The following IGF2R variants were observed in gnomAD, a reference collection of about 807,000 sequenced individuals.
IGF2R encodes the protein insulin like growth factor 2 receptor, also known as cation-independent mannose-6-phosphate receptor.
In IGF2R, 91 loss-of-function variants were observed where a neutral mutation model predicts 270.6. The ratio of observed to expected loss-of-function variants is 0.34; its 90% CI spans 0.28 to 0.40. The LOEUF is 0.40. Ranked by LOEUF, IGF2R falls within the 10% of genes least tolerant of loss-of-function variation. The probability of loss-of-function intolerance (pLI) is 1.00; values close to 1 mark genes in which losing one functional copy is unlikely to be tolerated. For missense variants in IGF2R, 2,805 were observed against 3,188.3 expected (o/e 0.88, Z 2.90); for synonymous variants, 1,316 against 1,258.9 (o/e 1.05, Z -0.96).
chr6:160,012,745 T>TTATATATA (rs201706423), intron 4 of IGF2R, among the ~76,000 whole-genome samples: 1 of 105,310 alleles, frequency 9.5e-6, no homozygotes, highest in African/African-American at 3.4e-5. Context: ...CCCGGCTAAT[T>TTATATATA]TATATATATA....
intron 2 of IGF2R, 124 bp from the exon 3 acceptor site, chr6:160,008,886 A>T: frequency 1.0e-6 from 1 of 964,746 alleles, no homozygotes; most frequent in South Asian, 1.6e-5. Flanking sequence ...GGGAAAGGAC[A>T]GTTTTATAAA....
chr6:160,031,469 C>A (rs1041819337), intron 7 of IGF2R, among the ~76,000 whole-genome samples: 2 of 151,986 alleles, frequency 1.3e-5, no homozygotes, highest in African/African-American at 4.8e-5. Context: ...TGCCCATTAG[C>A]AGTCTCTTCC....
intron 10 of IGF2R, 132 bp downstream of exon 10, chr6:160,034,654 C>G (rs1583271783): frequency 1.8e-6 from 1 of 563,350 alleles, no homozygotes; most frequent in East Asian, 2.8e-5. Flanking sequence ...CTGGCCAGCT[C>G]TAGCCCCCAG....
At chr6:160,077,311 G>C (rs181896541) in intron 36 of IGF2R, among the ~76,000 whole-genome samples, 1 of 152,170 alleles carries the variant, frequency 6.6e-6, no homozygotes, top group Non-Finnish European at 1.5e-5. Context: ...ATGGGGCAAC[G>C]TGGATTTTGC....
chr6:160,073,281 G>A lies in IGF2R; in HGVS notation c.4759G>A (p.Val1587Ile). The A allele has an allele frequency of 1.9e-6, 3 of 1,614,250 alleles. No homozygotes were observed. The highest frequency in any genetic ancestry group is 2.5e-6 in the Non-Finnish European group (3 of 1,180,026). ...ANKRLRYVDQ[V>I]LQLVYKDGSP... is the part of the protein sequence containing the mutation. Reference sequence around the variant, plus strand: ...CAAGAGGCTGAGATACGTGGACCAGGTCCTGCAGCTGGTGTACAAGGATGG... The same window carrying A: ...CAAGAGGCTGAGATACGTGGACCAGATCCTGCAGCTGGTGTACAAGGATGG... Residue 1587 changes from valine to isoleucine, a missense_variant, in exon 34 of 48, where the codon GTC (valine) becomes ATC (isoleucine). Around this residue, in one of 2 missense-constraint regions of IGF2R, gnomAD observed 1,851 missense variants for 2,207.2 expected, o/e 0.84. Coordinates refer to ENST00000356956, the MANE Select transcript of IGF2R (RefSeq NM_000876.4).
Position 159,986,430 on chromosome 6 carries a change from G to GTGT in IGF2R, c.150-4753_150-4752insGTT, listed in dbSNP as rs764032319. Among the ~76,000 whole-genome samples, 903 of 116,846 alleles carry GTGT rather than the reference G, an allele frequency of 7.7e-3. 6 individuals carry two copies. Among genetic ancestry groups the GTGT allele is most frequent in the Non-Finnish European group, 0.012 (633 of 53,774 alleles). The allele number at this position is 116,846 out of a possible 152,430, so 76.7% of individuals were successfully genotyped here. On this transcript the variant is annotated intron_variant, in intron 1 of 47. Transcript: ENST00000356956. The stretch of plus-strand genomic sequence containing the variant: ...TGTGTGTGTGTGTGTGTGTGTGTGT[G>GTGT]TTTTTTTTTTTTTTTTAAGTAGATT...
chr6:160,087,987 A>G (rs751338794), intron 41 of IGF2R, 46 bp from the exon 42 acceptor site: 2 of 1,289,602 alleles, frequency 1.6e-6, no homozygotes, highest in Non-Finnish European at 1.1e-6. Context: ...GAGGCTTTTT[A>G]TAATGCACTA....
chr6:160,048,149 G>C (rs753359811), intron 17 of IGF2R, among the ~76,000 whole-genome samples: 45 of 152,326 alleles, frequency 3.0e-4, no homozygotes, highest in Non-Finnish European at 6.2e-4. Flanking sequence ...AACAATGACT[G>C]TCAGTGCAGA....
At chr6:160,083,666 T>G (rs1779034227) in intron 39 of IGF2R, among the ~76,000 whole-genome samples, 1 of 152,208 alleles carries the variant, frequency 6.6e-6, no homozygotes, top group Non-Finnish European at 1.5e-5. Flanking sequence ...GGCAATGACT[T>G]TTACCGAGTA....
At position 160,104,971 on chromosome 6, in the gene IGF2R, A is replaced by C; in HGVS notation, c.7363A>C (p.Arg2455=). ...EREDDRVGLV[R]GEKARKGKSS... Reference sequence around the variant, plus strand: ...TGAGGACGATAGGGTGGGGCTGGTCAGGGGTGAGAAGGCGAGGAAAGGGAA... The same window carrying C: ...TGAGGACGATAGGGTGGGGCTGGTCCGGGGTGAGAAGGCGAGGAAAGGGAA... The change falls in exon 48 of 48, where the codon AGG becomes CGG. Residue 2455 remains arginine (R), a synonymous_variant. Coordinates refer to ENST00000356956, the MANE Select transcript of IGF2R (RefSeq NM_000876.4). 2 of 1,614,068 alleles carry C rather than the reference A, an allele frequency of 1.2e-6. No individual in the cohort carries two copies. The highest frequency in any genetic ancestry group is 2.7e-5 in the African/African-American group (2 of 75,058).
At chr6:160,003,963 C>G (rs1784171673) in intron 2 of IGF2R, 1 of 152,024 alleles carries the variant, frequency 6.6e-6, no homozygotes, top group South Asian at 2.1e-4. Context: ...TCTGGGGGAA[C>G]AGCCAGTTCA....
chr6:159,972,080 T>A lies in IGF2R; in HGVS notation c.149+2685T>A, dbSNP rs78532173. 1.7e-3 allele frequency among the ~76,000 whole-genome samples: 254 copies of A among 152,340 alleles called. 1 individual carries two copies. The highest frequency in any genetic ancestry group is 6.0e-3 in the African/African-American group (250 of 41,566). On this transcript the variant is annotated intron_variant, in intron 1 of 47. Transcript: ENST00000356956. ...AAACTGGCTAAAATTTCCGTAAATG[T>A]AGCATGTAGTTGAGGAATAGGAATG...
At position 160,029,638 on chromosome 6, in the gene IGF2R, C is replaced by T. The variant is rs1224630268; in HGVS notation, c.865C>T (p.Pro289Ser). 3.1e-6 allele frequency: 5 copies of T among 1,613,006 alleles called. No homozygotes were observed. Among genetic ancestry groups the T allele is most frequent in the Non-Finnish European group, 4.2e-6 (5 of 1,179,104 alleles). The change falls in exon 7 of 48, where the codon CCG (proline) becomes TCG (serine). Residue 289 changes from proline to serine, a missense_variant. Physicochemically the swap from Pro to Ser is moderately conservative, Grantham distance 74 (BLOSUM62 -1). Coordinates refer to ENST00000356956, the MANE Select transcript of IGF2R (RefSeq NM_000876.4). ...SPAVTITFVCPSERREGTIPK... is the reference protein window; with the variant it reads ...SPAVTITFVCSSERREGTIPK... The stretch of plus-strand genomic sequence containing the variant: ...TGCGGTGACTATTACATTTGTTTGC[C>T]CGTCGGAGCGGAGAGAGGTAAGTGA...
At chr6:160,006,907 T>G (rs377084021) in intron 2 of IGF2R, 9 of 147,766 alleles carry the variant, frequency 6.1e-5, no homozygotes, top group Non-Finnish European at 1.2e-4. Context: ...GCTCCCATCT[T>G]GTATTAATTT....
At chr6:159,983,593 A>G (rs1417924758) in intron 1 of IGF2R, among the ~76,000 whole-genome samples, 1 of 152,236 alleles carries the variant, frequency 6.6e-6, no homozygotes, top group Non-Finnish European at 1.5e-5. Context: ...TTTCTGCCAC[A>G]GACTTTGCTT....
chr6:160,012,332 G>A (rs575092603), intron 4 of IGF2R, among the ~76,000 whole-genome samples: 4 of 152,188 alleles, frequency 2.6e-5, no homozygotes, highest in African/African-American at 4.8e-5. Context: ...GTTCATTCTC[G>A]CAGTGCTATA....
intron 41 of IGF2R, 63 bp from the exon 42 acceptor site, chr6:160,087,970 C>A: frequency 9.2e-7 from 1 of 1,083,482 alleles, no homozygotes; most frequent in Non-Finnish European, 1.4e-6. Flanking sequence ...AGCCACTGCG[C>A]CTGCCTGAGG....
chr6:160,063,230 G>A (rs975694417), intron 26 of IGF2R, among the ~76,000 whole-genome samples, 185 bp from the exon 27 acceptor site: 1 of 151,896 alleles, frequency 6.6e-6, no homozygotes, highest in African/African-American at 2.4e-5. Flanking sequence ...GTAGAGACGG[G>A]GTTTCACCAT....
Position 160,010,704 on chromosome 6 carries a change from A to G in IGF2R, c.432A>G (p.Val144=), listed in dbSNP as rs1562342295. Residue 144 remains valine (V), a synonymous_variant, in exon 4 of 48, where the codon GTA becomes GTG. Coordinates refer to ENST00000356956, the MANE Select transcript of IGF2R (RefSeq NM_000876.4). ...TTTAATAGGGAACTCCTGAATTTGT[A>G]ACTGCAACAGAATGTGTGCACTACT... is the stretch of plus-strand genomic sequence containing the variant. ...CGKTLGTPEF[V]TATECVHYFE... 1 of 1,604,458 alleles carries G rather than the reference A, an allele frequency of 6.2e-7. No individual in the cohort carries two copies. The highest frequency in any genetic ancestry group is 1.7e-5 in the Admixed American group (1 of 59,938).
Sources: gnomAD v4.1 joint callset for allele counts (sites outside exome capture counted in the v4.1 genomes callset) on GRCh38, gnomAD v4.1.1 for gene constraint, gnomAD v4.1.1 regional missense constraint, MANE v1.5 for transcripts, NCBI Gene and HGNC (gene_info 2026-07-23, HGNC 2026-07-21) for gene names.